CNST: variants seen among roughly 807,000 people sequenced by gnomAD.
CNST encodes consortin, connexin sorting protein.
Under a neutral mutation model 72.4 loss-of-function variants are expected in CNST, and 39 were observed. The observed-to-expected ratio is 0.54, with a 90% CI of 0.42 to 0.70. CNST has a LOEUF of 0.70. CNST is among the 30% of genes least tolerant of loss of function. The pLI is 0.00. For missense variants in CNST, 871 were observed against 868.5 expected (o/e 1.00, Z -0.04); for synonymous variants, 332 against 320.1 (o/e 1.04, Z -0.40).
chr1:246,635,755 T>G (rs1665177284), intron 6 of CNST, among the ~76,000 whole-genome samples: 3 of 152,094 alleles, frequency 2.0e-5, no homozygotes, highest in Admixed American at 2.0e-4. Context: ...TATGTGGGAG[T>G]GCGATAACCC....
chr1:246,646,462 T>A (rs1666078037), intron 8 of CNST, among the ~76,000 whole-genome samples: 1 of 152,116 alleles, frequency 6.6e-6, no homozygotes, highest in Admixed American at 6.6e-5. Context: ...AAATATTTAC[T>A]TAATACACCA....
chr1:246,611,790 G>A lies in CNST; in HGVS notation c.380-9639G>A, dbSNP rs929126566. Among the ~76,000 whole-genome samples, 3 of 152,184 alleles carry A rather than the reference G, an allele frequency of 2.0e-5. No homozygotes were observed. The East Asian group carries it at 5.8e-4, about 29-fold the overall frequency. ...AGATACTTGTACACTAAGGTTCATA[G>A]CAGCATTATTCACAGTAGCAAAAAG... On this transcript the variant is annotated intron_variant, in intron 2 of 10. Coordinates refer to ENST00000366513, the MANE Select transcript of CNST (RefSeq NM_152609.3).
intron 8 of CNST, 140 bp from the exon 9 acceptor site, chr1:246,646,999 C>T (rs780696223): frequency 3.9e-5 from 28 of 724,680 alleles, no homozygotes; most frequent in Non-Finnish European, 6.2e-5. Flanking sequence ...TACCTAAAGA[C>T]ACTATTATGC....
At chr1:246,654,706 T>G (rs1404893183) in intron 9 of CNST, among the ~76,000 whole-genome samples, 1 of 152,268 alleles carries the variant, frequency 6.6e-6, no homozygotes, top group African/African-American at 2.4e-5. Context: ...CTTAGTTCAC[T>G]TATAAAAATA....
intron 1 of CNST, among the ~76,000 whole-genome samples, chr1:246,568,901 A>G (rs758270728): frequency 7.9e-5 from 12 of 152,020 alleles, no homozygotes; most frequent in Non-Finnish European, 1.6e-4. Flanking sequence ...ACATTTAAAT[A>G]TATTTATTTA....
rs543782160 is a variant in CNST at position 246,664,672 on chromosome 1, C to T, written c.1973-1028C>T. Among the ~76,000 whole-genome samples the T allele has an allele frequency of 3.6e-3, 553 of 152,096 alleles. 5 individuals are homozygous for T. Among genetic ancestry groups the T allele is most frequent in the African/African-American group, 0.013 (522 of 41,500 alleles). On this transcript the variant is annotated intron_variant, in intron 10 of 10. Coordinates refer to ENST00000366513, the MANE Select transcript of CNST (RefSeq NM_152609.3). ...CGATCTCCTGACCTCGTGATCCGCC[C>T]GCCTCAGCCTCCCAAAGTGCTGGGA...
intron 2 of CNST, among the ~76,000 whole-genome samples, chr1:246,597,905 G>T (rs1413718406): frequency 6.6e-6 from 1 of 152,160 alleles, no homozygotes; most frequent in Non-Finnish European, 1.5e-5. Flanking sequence ...AAAGCACTTT[G>T]TAAAGTACCC....
At chr1:246,600,928 CAG>C (rs1662247877) in intron 2 of CNST, among the ~76,000 whole-genome samples, 1 of 152,062 alleles carries the variant, frequency 6.6e-6, no homozygotes, top group South Asian at 2.1e-4. Context: ...TTGCAGGAGA[CAG>C]AATAAGAATT....
At chr1:246,659,526 C>T (rs533755723) in intron 9 of CNST, among the ~76,000 whole-genome samples, 4 of 151,454 alleles carry the variant, frequency 2.6e-5, no homozygotes, top group Non-Finnish European at 2.9e-5. Context: ...ACCCGGGAGG[C>T]GGAGATTGCA....
intron 3 of CNST, among the ~76,000 whole-genome samples, chr1:246,627,049 C>G (rs1421566894): frequency 2.0e-5 from 3 of 152,176 alleles, no homozygotes; most frequent in Non-Finnish European, 4.4e-5. Flanking sequence ...TCACTGCTAC[C>G]ATTTCCGTAC....
chr1:246,611,750 A>G (rs974333252), intron 2 of CNST, among the ~76,000 whole-genome samples: 1 of 152,220 alleles, frequency 6.6e-6, no homozygotes, highest in Non-Finnish European at 1.5e-5. Context: ...AAGAATAGAA[A>G]GCAAGGACCC....
intron 2 of CNST, among the ~76,000 whole-genome samples, chr1:246,604,899 C>T (rs570512701): frequency 3.9e-5 from 6 of 152,244 alleles, no homozygotes; most frequent in Non-Finnish European, 8.8e-5. Flanking sequence ...AGACTCCTGA[C>T]CTCATGATTC....
intron 3 of CNST, among the ~76,000 whole-genome samples, chr1:246,626,024 G>C (rs1221875021): frequency 6.6e-6 from 1 of 151,150 alleles, no homozygotes; most frequent in Non-Finnish European, 1.5e-5. Flanking sequence ...ACATCACTTG[G>C]CCATGCCTTC....
At chr1:246,648,955 G>A (rs1014135850) in intron 9 of CNST, among the ~76,000 whole-genome samples, 5 of 152,176 alleles carry the variant, frequency 3.3e-5, no homozygotes, top group South Asian at 4.1e-4. Context: ...CTGAAAAGCT[G>A]TCTAAGGTAA....
At chr1:246,613,048 T>C (rs1663439302) in intron 2 of CNST, among the ~76,000 whole-genome samples, 1 of 152,158 alleles carries the variant, frequency 6.6e-6, no homozygotes, top group Non-Finnish European at 1.5e-5. Context: ...TTACTCCTTG[T>C]CACAATCTTA....
intron 2 of CNST, among the ~76,000 whole-genome samples, chr1:246,592,534 G>A (rs897412525): frequency 1.3e-5 from 2 of 152,216 alleles, no homozygotes; most frequent in African/African-American, 4.8e-5. Flanking sequence ...CTTTGTACAT[G>A]TTTTCACATT....
chr1:246,651,945 C>T (rs748552637), intron 9 of CNST, among the ~76,000 whole-genome samples: 45 of 152,080 alleles, frequency 3.0e-4, no homozygotes, highest in Non-Finnish European at 5.1e-4. Context: ...CTGTGAGGGC[C>T]GCATTACAGA....
chr1:246,581,561 C>T (rs1660788821), intron 1 of CNST, among the ~76,000 whole-genome samples: 1 of 152,260 alleles, frequency 6.6e-6, no homozygotes. Flanking sequence ...TCACACCCGG[C>T]CCATCCCAAT....
At chr1:246,643,295 C>T (rs1665842368) in intron 8 of CNST, among the ~76,000 whole-genome samples, 1 of 152,218 alleles carries the variant, frequency 6.6e-6, no homozygotes, top group Non-Finnish European at 1.5e-5. Flanking sequence ...GTCAGTCCTA[C>T]TAGACTCTGT....
Sources: gnomAD v4.1 joint callset for allele counts (sites outside exome capture counted in the v4.1 genomes callset) on GRCh38, gnomAD v4.1.1 for gene constraint, MANE v1.5 for transcripts, NCBI Gene and HGNC (gene_info 2026-07-23, HGNC 2026-07-21) for gene names.